The following VPS13A variants were observed in gnomAD, a reference collection of about 807,000 sequenced individuals.
The protein encoded by VPS13A is vacuolar protein sorting 13 homolog A.
A neutral mutation model predicts 390.9 loss-of-function variants in VPS13A; 264 were observed. The ratio of observed to expected loss-of-function variants is 0.68; its 90% CI spans 0.61 to 0.75. The LOEUF is 0.75. Ranked by LOEUF, VPS13A falls within the 30% of genes least tolerant of loss-of-function variation. The probability of loss-of-function intolerance (pLI) is 0.00; values close to 1 mark genes in which losing one functional copy is unlikely to be tolerated. For missense variants in VPS13A, 3,409 were observed against 3,733.9 expected, an observed-to-expected ratio of 0.91 and a Z score of 2.27; for synonymous variants, 1,231 against 1,227.1, an observed-to-expected ratio of 1.00 and a Z score of -0.07.
At position 77,280,173 on chromosome 9, in the gene VPS13A, C is replaced by T. The variant is rs1267638155; in HGVS notation, c.2839C>T (p.Pro947Ser). The T allele has an allele frequency of 1.2e-6, 2 of 1,609,854 alleles. No homozygotes were observed. Among genetic ancestry groups the T allele is most frequent in the Non-Finnish European group, 8.5e-7 (1 of 1,178,026 alleles). The part of the protein sequence containing the change: ...CPEYLDENKK[P>S]VYLVTTLDNT... Reference sequence around the variant, plus strand: ...ATTATTTTTAGATGAAAACAAGAAACCAGTTTATTTGGTTACAACCCTGGA... The same window carrying T: ...ATTATTTTTAGATGAAAACAAGAAATCAGTTTATTTGGTTACAACCCTGGA... The change falls in exon 27 of 72, where the codon CCA (proline) becomes TCA (serine). Residue 947 changes from proline to serine, a missense_variant. Around this residue, in one of 5 missense-constraint regions of VPS13A, gnomAD observed 2,717 missense variants for 2,917.4 expected, o/e 0.93. Transcript: ENST00000360280.
chr9:77,307,645 A>G (rs1828834793), intron 34 of VPS13A, among the ~76,000 whole-genome samples: 1 of 152,222 alleles, frequency 6.6e-6, no homozygotes, highest in Non-Finnish European at 1.5e-5. Context: ...GTAGACAGAT[A>G]ACTACTGAAA....
intron 7 of VPS13A, among the ~76,000 whole-genome samples, chr9:77,212,316 C>T (rs1826016407): frequency 6.6e-6 from 1 of 152,190 alleles, no homozygotes; most frequent in Non-Finnish European, 1.5e-5. Context: ...TGAGCTACTT[C>T]AGTTGCCTGA....
chr9:77,400,781 T>C (rs1834352201), intron 68 of VPS13A, among the ~76,000 whole-genome samples: 1 of 148,162 alleles, frequency 6.7e-6, no homozygotes, highest in Admixed American at 6.8e-5. Context: ...TGAGCCGAGA[T>C]CGCATCACTG....
At chr9:77,333,118 A>G (rs1262453556) in intron 46 of VPS13A, among the ~76,000 whole-genome samples, 3 of 152,222 alleles carry the variant, frequency 2.0e-5, no homozygotes, top group Non-Finnish European at 2.9e-5. Flanking sequence ...ACTAGATTAA[A>G]TATGGCATGT....
rs1831898836 is a variant in VPS13A, at chr9:77,357,771, C to T, written c.7886C>T (p.Ala2629Val). 6.2e-7 allele frequency: 1 copy of T among 1,613,472 alleles called. No individual in the cohort carries two copies. Among genetic ancestry groups the T allele is most frequent in the East Asian group, 2.2e-5 (1 of 44,854 alleles). ...VIALRRNYLP[A>V]LKVEYNTSAH... Reference sequence around the variant, plus strand: ...GCTCTACGAAGAAATTATCTTCCAGCATTAAAAGTGGAATATAACACATCT... The same window carrying T: ...GCTCTACGAAGAAATTATCTTCCAGTATTAAAAGTGGAATATAACACATCT... The change falls in exon 56 of 72, where the codon GCA (alanine) becomes GTA (valine). Residue 2629 changes from alanine (A) to valine (V), a missense_variant. Physicochemically the swap from Ala to Val is moderately conservative, Grantham distance 64 (BLOSUM62 0). This residue lies in a region of VPS13A where 221 missense variants were observed against 300.7 expected (regional missense o/e 0.73). Coordinates refer to ENST00000360280, the MANE Select transcript of VPS13A (RefSeq NM_033305.3).
At chr9:77,272,295 C>T (rs1826395043) in intron 23 of VPS13A, among the ~76,000 whole-genome samples, 4 of 152,082 alleles carry the variant, frequency 2.6e-5, no homozygotes, top group Admixed American at 2.6e-4. Flanking sequence ...TGTCTTATCA[C>T]CACTTTTGAA....
rs1169254413 is a variant in VPS13A at position 77,411,660 on chromosome 9, C to CAAAAAAAAAAAAAAAAA, written c.9474+4062_9474+4078dup. Among the ~76,000 whole-genome samples, 61 of 33,918 alleles carry CAAAAAAAAAAAAAAAAA rather than the reference C, an allele frequency of 1.8e-3. 6 individuals carry two copies. Among genetic ancestry groups the CAAAAAAAAAAAAAAAAA allele is most frequent in the African/African-American group, 2.5e-3 (21 of 8,328 alleles). 22.3% of individuals were successfully genotyped at this position (33,918 alleles called of 152,430 possible). A position where few individuals can be genotyped will look rare whatever the true frequency, so the allele number is the denominator to read the frequency against. The stretch of plus-strand genomic sequence containing the variant: ...CCTAGGCAACAGCAAAACTCCATCT[C>CAAAAAAAAAAAAAAAAA]AAAAAAAAAAAAAAAAAAAAAAAAA... On this transcript the variant is annotated intron_variant, in intron 71 of 71. Coordinates refer to ENST00000360280, the MANE Select transcript of VPS13A (RefSeq NM_033305.3).
At chr9:77,395,074 T>C (rs1481773514) in intron 68 of VPS13A, among the ~76,000 whole-genome samples, 1 of 152,176 alleles carries the variant, frequency 6.6e-6, no homozygotes, top group African/African-American at 2.4e-5. Flanking sequence ...CCTTCAAGAA[T>C]TTTTCCTTTG....
intron 68 of VPS13A, among the ~76,000 whole-genome samples, chr9:77,385,456 C>T (rs1223640201): frequency 6.6e-6 from 1 of 151,716 alleles, no homozygotes; most frequent in Non-Finnish European, 1.5e-5. Flanking sequence ...ATTATGAATT[C>T]AGAATATTTG....
At chr9:77,295,022 C>T (rs1827898491) in intron 32 of VPS13A, among the ~76,000 whole-genome samples, 1 of 151,798 alleles carries the variant, frequency 6.6e-6, no homozygotes. Context: ...CCCTCTTGTA[C>T]TTATACTTAG....
At chr9:77,345,782 C>T (rs1417612168) in intron 52 of VPS13A, among the ~76,000 whole-genome samples, 2 of 152,074 alleles carry the variant, frequency 1.3e-5, no homozygotes, top group Non-Finnish European at 2.9e-5. Flanking sequence ...TTCCACTTTC[C>T]TTCCACTGCT....
intron 1 of VPS13A, among the ~76,000 whole-genome samples, chr9:77,192,542 A>G (rs1476629349): frequency 1.3e-5 from 2 of 152,108 alleles, no homozygotes; most frequent in African/African-American, 2.4e-5. Flanking sequence ...TCTGGTGGTA[A>G]TGAGTTCCCT....
At chr9:77,382,312 T>C in intron 68 of VPS13A, 1 of 1,543,726 alleles carries the variant, frequency 6.5e-7, no homozygotes. Context: ...AGTTAATGCA[T>C]GACTTTGCAA....
chr9:77,392,700 ACGT>A (rs1833946401), intron 68 of VPS13A, among the ~76,000 whole-genome samples: 2 of 151,294 alleles, frequency 1.3e-5, no homozygotes, highest in African/African-American at 2.4e-5. Context: ...ATGTACAATC[ACGT>A]CGTTAAAAAA....
At chr9:77,282,424 G>A in intron 29 of VPS13A, 150 bp downstream of exon 29, 2 of 717,764 alleles carry the variant, frequency 2.8e-6, no homozygotes, top group South Asian at 2.2e-5. Flanking sequence ...TTATATGCCA[G>A]GATAATTTTA....
At position 77,321,503 on chromosome 9, in the gene VPS13A, G is replaced by A. The variant is rs146389747; in HGVS notation, c.5587G>A (p.Ala1863Thr). 1.5e-4 allele frequency: 237 copies of A among 1,613,180 alleles called. No homozygotes were observed. Among genetic ancestry groups the A allele is most frequent in the Non-Finnish European group, 2.0e-4 (233 of 1,179,552 alleles). ...LNNLVKAFTE[A>T]ATGSSADFVK... Reference sequence around the variant, plus strand: ...TCTTTCTTATTAGGCATTTACAGAAGCTGCCACTGGATCTTCAGCTGACTT... The same window carrying A: ...TCTTTCTTATTAGGCATTTACAGAAACTGCCACTGGATCTTCAGCTGACTT... Residue 1863 changes from alanine to threonine, a missense_variant, in exon 44 of 72, where the codon GCT becomes ACT. Ala to Thr is a moderately conservative substitution (Grantham distance 58). Transcript: ENST00000360280.
Position 77,405,895 on chromosome 9 carries a change from G to C in VPS13A, c.9307G>C (p.Gly3103Arg). ...ATTGTTTGTAACAAAGGGAACATTT[G>C]GACAACTCACGTGTGAGTGGCAGTA... ...GVLFVTKGTF[G>R]QLTCEWQYSF... is the part of the protein sequence containing the mutation. The change falls in exon 70 of 72, where the codon GGA (glycine) becomes CGA (arginine). Residue 3103 changes from glycine to arginine, a missense_variant. Coordinates refer to ENST00000360280, the MANE Select transcript of VPS13A (RefSeq NM_033305.3). 1 of 1,613,694 alleles carries C rather than the reference G, an allele frequency of 6.2e-7. No homozygotes were observed. Among genetic ancestry groups the C allele is most frequent in the East Asian group, 2.2e-5 (1 of 44,836 alleles).
chr9:77,333,917 T>C (rs1236399795), intron 46 of VPS13A, among the ~76,000 whole-genome samples: 1 of 152,188 alleles, frequency 6.6e-6, no homozygotes, highest in African/African-American at 2.4e-5. Flanking sequence ...ATGAATTGCA[T>C]GTGGCTATTG....
Position 77,340,299 on chromosome 9 carries a change from C to A in VPS13A, c.6879+17C>A. 1 of 1,608,194 alleles carries A rather than the reference C, an allele frequency of 6.2e-7. No individual in the cohort carries two copies. The highest frequency in any genetic ancestry group is 8.5e-7 in the Non-Finnish European group (1 of 1,175,770). On this transcript the variant is annotated intron_variant, in intron 49 of 71. Coordinates refer to ENST00000360280, the MANE Select transcript of VPS13A (RefSeq NM_033305.3). ...GACTATCAAGTGAGTTCATTCTATGCTTATCAAGAAACTTTTATTTTAAAT... is the reference window on the plus strand; with the variant it reads ...GACTATCAAGTGAGTTCATTCTATGATTATCAAGAAACTTTTATTTTAAAT...
Sources: gnomAD v4.1 joint callset for allele counts (sites outside exome capture counted in the v4.1 genomes callset) on GRCh38, gnomAD v4.1.1 for gene constraint, gnomAD v4.1.1 regional missense constraint, MANE v1.5 for transcripts, NCBI Gene and HGNC (gene_info 2026-07-23, HGNC 2026-07-21) for gene names.